MCMDC2: variants seen among roughly 807,000 people sequenced by gnomAD.
The protein encoded by MCMDC2 is minichromosome maintenance domain containing 2.
A neutral mutation model predicts 75.8 loss-of-function variants in MCMDC2; 54 were observed. The observed-to-expected ratio is 0.71, with a 90% CI of 0.57 to 0.89. The LOEUF (loss-of-function observed/expected upper bound fraction) is 0.89. Ranked by LOEUF, MCMDC2 falls within the 40% of genes least tolerant of loss-of-function variation. MCMDC2 has a pLI of 0.00. For synonymous variants in MCMDC2, 249 were observed against 274.6 expected (o/e 0.91, Z 0.92); for missense variants, 656 against 780.4 (o/e 0.84, Z 1.90).
chr8:66,882,924 G>T (rs1811659640), intron 8 of MCMDC2, among the ~76,000 whole-genome samples: 1 of 152,208 alleles, frequency 6.6e-6, no homozygotes, highest in South Asian at 2.1e-4. Context: ...TGGAGAGTGT[G>T]CTTTCTTATG....
At position 66,905,507 on chromosome 8, in the gene MCMDC2, G is replaced by C. The variant is rs1196825805; in HGVS notation, c.1879+172G>C. The C allele has an allele frequency of 1.8e-5, 9 of 500,802 alleles. No individual in the cohort carries two copies. The East Asian group carries it at 3.7e-4, about 21-fold the overall frequency. 31.0% of individuals were successfully genotyped at this position (500,802 alleles called of 1,614,324 possible). A position where few individuals can be genotyped will look rare whatever the true frequency, so the allele number is the denominator to read the frequency against. ...TTTGGGCATTTATTAACTGTTTCTG[G>C]GTAGTATCATCATCTGATATTAAAT... On this transcript the variant is annotated intron_variant, in intron 14 of 14. Coordinates refer to ENST00000422365, the MANE Select transcript of MCMDC2 (RefSeq NM_173518.5).
intron 13 of MCMDC2, among the ~76,000 whole-genome samples, chr8:66,903,759 C>T (rs1302358401): frequency 1.3e-5 from 2 of 152,126 alleles, no homozygotes; most frequent in Non-Finnish European, 2.9e-5. Context: ...AGAAGTGGAG[C>T]TGAACAATAC....
At chr8:66,916,358 T>A (rs1660541448) in intron 14 of MCMDC2, among the ~76,000 whole-genome samples, 1 of 152,116 alleles carries the variant, frequency 6.6e-6, no homozygotes, top group South Asian at 2.1e-4. Flanking sequence ...CTTTACTTGA[T>A]GTCATCAGCT....
intron 8 of MCMDC2, 35 bp from the exon 9 acceptor site, chr8:66,883,722 C>A: frequency 1.7e-6 from 2 of 1,198,056 alleles, no homozygotes; most frequent in Non-Finnish European, 2.4e-6. Context: ...TGTTTTAAAA[C>A]CCTTTCTAAT....
At chr8:66,878,745 A>G in intron 6 of MCMDC2, 49 bp downstream of exon 6, 1 of 1,451,642 alleles carries the variant, frequency 6.9e-7, no homozygotes, top group South Asian at 1.3e-5. Context: ...ATAGTGTCTG[A>G]TATTTCAATA....
chr8:66,876,273 T>A (rs1184225256), intron 4 of MCMDC2, among the ~76,000 whole-genome samples: 2 of 152,238 alleles, frequency 1.3e-5, no homozygotes, highest in African/African-American at 4.8e-5. Flanking sequence ...ATCAGCTATT[T>A]AGTTACTCTG....
At chr8:66,918,888 G>T in intron 14 of MCMDC2, 115 bp from the exon 15 acceptor site, 2 of 901,452 alleles carry the variant, frequency 2.2e-6, no homozygotes, top group Admixed American at 3.7e-5. Context: ...AGAACCACAT[G>T]GGCTCAGACT....
intron 6 of MCMDC2, 27 bp downstream of exon 6, chr8:66,878,723 A>G (rs758538107): frequency 6.6e-7 from 1 of 1,510,762 alleles, no homozygotes. Flanking sequence ...TTTTGTAATT[A>G]TAATTTTTAA....
chr8:66,887,699 C>A (rs1811910434), intron 9 of MCMDC2, among the ~76,000 whole-genome samples: 1 of 152,164 alleles, frequency 6.6e-6, no homozygotes, highest in Non-Finnish European at 1.5e-5. Context: ...AACTTCCAGG[C>A]TCAAGCAATC....
chr8:66,891,206 G>A, intron 10 of MCMDC2, 136 bp downstream of exon 10: 3 of 805,104 alleles, frequency 3.7e-6, no homozygotes, highest in Non-Finnish European at 1.9e-6. Context: ...TTCTTATTTT[G>A]GTTTTATAAG....
chr8:66,884,194 C>A, intron 9 of MCMDC2, 200 bp downstream of exon 9: 1 of 575,354 alleles, frequency 1.7e-6, no homozygotes, highest in East Asian at 2.8e-5. Context: ...CAATTTTCAA[C>A]CTATTTCCCC....
intron 4 of MCMDC2, among the ~76,000 whole-genome samples, chr8:66,876,021 G>A (rs902191137): frequency 3.3e-5 from 5 of 152,148 alleles, no homozygotes; most frequent in Non-Finnish European, 7.3e-5. Flanking sequence ...TATATCAGGA[G>A]GATATAGTAT....
intron 14 of MCMDC2, among the ~76,000 whole-genome samples, chr8:66,912,932 TA>T (rs1813172454): frequency 6.8e-6 from 1 of 147,300 alleles, no homozygotes; most frequent in Non-Finnish European, 1.5e-5. Context: ...TAAAGTGTAA[TA>T]AAAAACATAA....
At chr8:66,883,620 C>G in intron 8 of MCMDC2, 137 bp from the exon 9 acceptor site, 1 of 600,676 alleles carries the variant, frequency 1.7e-6, no homozygotes, top group South Asian at 2.2e-5. Context: ...ATAACAAGAT[C>G]CTGTCTCAAA....
At chr8:66,880,709 T>C in intron 7 of MCMDC2, 140 bp from the exon 8 acceptor site, 1 of 812,674 alleles carries the variant, frequency 1.2e-6, no homozygotes, top group Non-Finnish European at 1.7e-6. Flanking sequence ...TCACTCTATA[T>C]GGATATTATC....
Position 66,919,141 on chromosome 8 carries a change from G to A in MCMDC2, c.2018G>A (p.Gly673Glu), listed in dbSNP as rs1207516411. Residue 673 changes from glycine (G) to glutamate (E), a missense_variant, in exon 15 of 15, where the codon GGG (glycine) becomes GAG (glutamate). Physicochemically the swap from Gly to Glu is moderately conservative, Grantham distance 98 (BLOSUM62 -2). Coordinates refer to ENST00000422365, the MANE Select transcript of MCMDC2 (RefSeq NM_173518.5). Reference sequence around the variant, plus strand: ...CAATTTATTGCCACATATGGACCTGGGACAACTATTTTCTCTAGTGATGAA... The same window carrying A: ...CAATTTATTGCCACATATGGACCTGAGACAACTATTTTCTCTAGTGATGAA... ...LEQFIATYGP[G>E]TTIFSSDE 7.1e-6 allele frequency: 11 copies of A among 1,546,934 alleles called. No individual in the cohort carries two copies. Among genetic ancestry groups the A allele is most frequent in the Middle Eastern group, 1.7e-4 (1 of 5,992 alleles).
chr8:66,891,461 A>T (rs140327367), intron 10 of MCMDC2, among the ~76,000 whole-genome samples: 1 of 152,274 alleles, frequency 6.6e-6, no homozygotes, highest in Non-Finnish European at 1.5e-5. Flanking sequence ...TTTTTTGTAG[A>T]CATTCTTTAT....
chr8:66,917,572 T>C (rs1813371041), intron 14 of MCMDC2, among the ~76,000 whole-genome samples: 1 of 152,176 alleles, frequency 6.6e-6, no homozygotes, highest in South Asian at 2.1e-4. Flanking sequence ...AATTCCTCGT[T>C]TCCTCCTCTA....
At chr8:66,886,964 C>T (rs1394202899) in intron 9 of MCMDC2, among the ~76,000 whole-genome samples, 1 of 151,970 alleles carries the variant, frequency 6.6e-6, no homozygotes, top group Non-Finnish European at 1.5e-5. Context: ...TTTGCATTTC[C>T]GAGGTGACTA....
Sources: allele counts gnomAD v4.1 joint callset (sites outside exome capture counted in the v4.1 genomes callset), GRCh38; gene constraint gnomAD v4.1.1; transcripts MANE v1.5; gene names NCBI Gene and HGNC (gene_info 2026-07-23, HGNC 2026-07-21).